DMD: variants seen among roughly 807,000 people sequenced by gnomAD.
DMD encodes the protein dystrophin.
Under a neutral mutation model 330.1 loss-of-function variants are expected in DMD, and 63 were observed. The observed-to-expected ratio is 0.19, with a 90% CI of 0.16 to 0.24. The LOEUF is 0.24. Among genes scored for constraint, DMD ranks in the 10% least tolerant of loss-of-function variants. The pLI is 1.00. For missense variants in DMD, 3,344 were observed against 2,684.1 expected (o/e 1.25, Z -5.43); for synonymous variants, 1,223 against 959.8 (o/e 1.27, Z -5.07).
chrX:32,233,633 T>TTATTTATG (rs2097177121), intron 43 of DMD, among the ~76,000 whole-genome samples: 1 of 105,542 alleles, frequency 9.5e-6, no homozygotes, highest in Non-Finnish European at 1.9e-5. Flanking sequence ...ATTTATTTAT[T>TTATTTATG]TATTTATTTA....
At chrX:32,194,943 G>C (rs2096992460) in intron 44 of DMD, among the ~76,000 whole-genome samples, 1 of 111,551 alleles carries the variant, frequency 9.0e-6, no homozygotes, top group African/African-American at 3.3e-5. Context: ...ATTTTGAGAA[G>C]ATCCATTTTG....
At chrX:32,539,947 G>A (rs1170446691) in intron 17 of DMD, among the ~76,000 whole-genome samples, 3 of 111,790 alleles carry the variant, frequency 2.7e-5, no homozygotes, top group Non-Finnish European at 5.7e-5. Context: ...ATTTCAAAAT[G>A]CCTCTACATT....
Position 31,598,607 on chromosome X carries a change from A to G in DMD, c.8217+29066T>C, listed in dbSNP as rs147644582. Among the ~76,000 whole-genome samples the G allele has an allele frequency of 2.4e-3, 263 of 111,910 alleles. 1 individual carries two copies. The highest frequency in any genetic ancestry group is 8.1e-3 in the African/African-American group (249 of 30,869). ...TTTAACAACTATAGAATAAAACTGA[A>G]AACAGTACAGTGAAATAAAGAAAAT... On this transcript the variant is annotated intron_variant, in intron 55 of 78. Transcript: ENST00000357033.
intron 7 of DMD, among the ~76,000 whole-genome samples, chrX:32,717,543 C>A (rs972546558): frequency 8.0e-5 from 9 of 111,815 alleles, no homozygotes; most frequent in African/African-American, 2.9e-4. Context: ...GCGGGGGAGC[C>A]TGCATAGAGA....
At chrX:31,922,797 G>A (rs1264354183) in intron 47 of DMD, among the ~76,000 whole-genome samples, 2 of 111,803 alleles carry the variant, frequency 1.8e-5, no homozygotes, top group African/African-American at 6.5e-5. Context: ...CAATAATTTG[G>A]AAAGTTAAAT....
rs55916475 is a variant in DMD, at chrX:32,229,681, CATATATATATATATATAT to C, written c.6291-12636_6291-12619del. 1.8e-3 allele frequency among the ~76,000 whole-genome samples: 43 copies of C among 24,334 alleles called. 1 individual carries two copies. The highest frequency in any genetic ancestry group is 3.5e-3 in the South Asian group (1 of 286). The allele number at this position is 24,334 out of a possible 115,157, so 21.1% of individuals were successfully genotyped here. A position where few individuals can be genotyped will look rare whatever the true frequency, so the allele number is the denominator to read the frequency against. On this transcript the variant is annotated intron_variant, in intron 43 of 78. Coordinates refer to ENST00000357033, the MANE Select transcript of DMD (RefSeq NM_004006.3). ...ATATATATATCTCAAAGAGTTTCAT[CATATATATATATATATAT>C]ATATATATATATATATATATATATA...
chrX:32,099,095 T>G (rs1026536216), intron 44 of DMD, among the ~76,000 whole-genome samples: 2 of 111,749 alleles, frequency 1.8e-5, no homozygotes, highest in Admixed American at 1.9e-4. Flanking sequence ...AAGAATGTAC[T>G]AGTTTACAAT....
intron 9 of DMD, among the ~76,000 whole-genome samples, chrX:32,651,021 A>T (rs1399964979): frequency 8.9e-6 from 1 of 112,386 alleles, no homozygotes; most frequent in Admixed American, 9.4e-5. Context: ...TCTGGGACTT[A>T]AAACCAGGTT....
intron 55 of DMD, among the ~76,000 whole-genome samples, chrX:31,627,040 G>T (rs771754471): frequency 8.9e-6 from 1 of 111,786 alleles, no homozygotes; most frequent in Non-Finnish European, 1.9e-5. Context: ...TTCTCACCAA[G>T]ACTTCATTTA....
chrX:31,573,914 C>T (rs752388500), intron 55 of DMD, among the ~76,000 whole-genome samples: 32 of 110,740 alleles, frequency 2.9e-4, no homozygotes, highest in Non-Finnish European at 2.6e-4. Flanking sequence ...ATATGCAGGG[C>T]ACCGTACTAA....
At chrX:32,532,112 T>C (rs188810896) in intron 17 of DMD, among the ~76,000 whole-genome samples, 2 of 111,528 alleles carry the variant, frequency 1.8e-5, no homozygotes, top group East Asian at 2.8e-4. Context: ...GTTAAGACCA[T>C]GGTGAGCTCC....
chrX:32,814,653 G>A (rs969241860), intron 6 of DMD, among the ~76,000 whole-genome samples: 4 of 111,941 alleles, frequency 3.6e-5, no homozygotes, highest in African/African-American at 1.3e-4. Flanking sequence ...CAATATGACA[G>A]GAGAGAGTAT....
At chrX:33,242,184 T>C (rs888421868) in intron 1 of DMD, among the ~76,000 whole-genome samples, 3 of 111,809 alleles carry the variant, frequency 2.7e-5, no homozygotes, top group African/African-American at 9.8e-5. Flanking sequence ...TTAGTGGTGA[T>C]TTGTGAGATT....
At chrX:33,124,762 C>T (rs1398713528) in intron 1 of DMD, among the ~76,000 whole-genome samples, 3 of 109,927 alleles carry the variant, frequency 2.7e-5, no homozygotes, top group East Asian at 5.8e-4. Flanking sequence ...CGGTGGCTCA[C>T]GCCTGTAATC....
chrX:32,736,464 C>A lies in DMD; in HGVS notation c.650-37171G>T, dbSNP rs757031198. ...TCATGCTGCTATAAAGACACATGCA[C>A]ACGTATGTTTATTGCGGCATTATTC... On this transcript the variant is annotated intron_variant, in intron 7 of 78. Coordinates refer to ENST00000357033, the MANE Select transcript of DMD (RefSeq NM_004006.3). Among the ~76,000 whole-genome samples, 357 of 110,511 alleles carry A rather than the reference C, an allele frequency of 3.2e-3. 2 individuals are homozygous for A. Among genetic ancestry groups the A allele is most frequent in the African/African-American group, 0.011 (342 of 29,899 alleles).
chrX:33,053,411 TG>T (rs1282660271), intron 1 of DMD, among the ~76,000 whole-genome samples: 1 of 110,041 alleles, frequency 9.1e-6, no homozygotes, highest in Non-Finnish European at 1.9e-5. Context: ...CTGGCCAATA[TG>T]GTGAAACTCC....
chrX:32,784,863 A>G (rs2075216535), intron 7 of DMD, among the ~76,000 whole-genome samples: 1 of 111,435 alleles, frequency 9.0e-6, no homozygotes, highest in Non-Finnish European at 1.9e-5. Flanking sequence ...ACAGTTACCT[A>G]TATATTGTTT....
At chrX:32,572,864 C>T (rs1450699629) in intron 15 of DMD, among the ~76,000 whole-genome samples, 1 of 110,975 alleles carries the variant, frequency 9.0e-6, no homozygotes, top group Non-Finnish European at 1.9e-5. Flanking sequence ...CATGATGAGT[C>T]AGTTCCCATT....
At chrX:32,007,227 A>C (rs2095668908) in intron 44 of DMD, among the ~76,000 whole-genome samples, 1 of 104,191 alleles carries the variant, frequency 9.6e-6, no homozygotes, top group South Asian at 4.4e-4. Flanking sequence ...AATAATAATA[A>C]TAATAATAAT....
Sources: gnomAD v4.1 joint callset for allele counts (sites outside exome capture counted in the v4.1 genomes callset) on GRCh38, gnomAD v4.1.1 for gene constraint, MANE v1.5 for transcripts, NCBI Gene and HGNC (gene_info 2026-07-23, HGNC 2026-07-21) for gene names.